Variants in AXIN2 observed in about 807,000 individuals in gnomAD.
The protein encoded by AXIN2 is axin 2, also known as axin-2.
Under a neutral mutation model 74.7 loss-of-function variants are expected in AXIN2, and 21 were observed. That is an observed-to-expected ratio of 0.28 (90% CI 0.20 to 0.40). The LOEUF is 0.40. AXIN2 is among the 10% of genes least tolerant of loss of function. AXIN2 has a pLI of 1.00. For missense variants in AXIN2, 1,144 were observed against 1,111.1 expected (o/e 1.03, Z -0.42); for synonymous variants, 532 against 454.9 (o/e 1.17, Z -2.16).
intron 2 of AXIN2, among the ~76,000 whole-genome samples, chr17:65,551,365 T>A (rs1276232247): frequency 1.3e-5 from 2 of 151,986 alleles, no homozygotes; most frequent in Non-Finnish European, 2.9e-5. Context: ...GGGGTCTAAT[T>A]AGCCAGGCTA....
chr17:65,548,137 A>C (rs946502872), intron 3 of AXIN2, among the ~76,000 whole-genome samples: 2 of 152,252 alleles, frequency 1.3e-5, no homozygotes, highest in Non-Finnish European at 2.9e-5. Flanking sequence ...TGGATGAAAG[A>C]TGTGTACTTT....
rs543027028 is a variant in AXIN2 at position 65,548,320 on chromosome 17, T to C, written c.956+1200A>G. Among the ~76,000 whole-genome samples the C allele has an allele frequency of 2.0e-5, 3 of 152,328 alleles. No individual in the cohort carries two copies. In the East Asian group the frequency reaches 5.8e-4, roughly 29 times the overall value. On this transcript the variant is annotated intron_variant, in intron 3 of 10. Transcript: ENST00000307078. ...AGGTTCCCAAACTCACCTCATCAAC[T>C]TTCCCTCCAACTGGTCCCATGCCAC... is the stretch of plus-strand genomic sequence containing the variant.
chr17:65,532,267 T>C (rs1336793311), intron 10 of AXIN2, among the ~76,000 whole-genome samples: 1 of 151,490 alleles, frequency 6.6e-6, no homozygotes, highest in African/African-American at 2.4e-5. Flanking sequence ...AAGGAGGCAC[T>C]TTCCCCACAA....
At chr17:65,533,845 C>A (rs1028043727) in intron 10 of AXIN2, 67 bp downstream of exon 10, 3 of 1,208,174 alleles carry the variant, frequency 2.5e-6, no homozygotes. Flanking sequence ...AGGGGAGCTG[C>A]TCCAGGCTCT....
At position 65,558,746 on chromosome 17, in the gene AXIN2, AAAGG is replaced by A; in HGVS notation, c.-116-14_-116-11del. The A allele has an allele frequency of 1.0e-6, 1 of 979,828 alleles. No homozygotes were observed. Among genetic ancestry groups the A allele is most frequent in the Non-Finnish European group, 1.6e-6 (1 of 641,698 alleles). The allele number at this position is 979,828 out of a possible 1,614,324, so 60.7% of individuals were successfully genotyped here. ...CATCTGAACCTCCTCTCTGGAAAGA[AAAGG>A]AAGGGGGGAGGTGGGGAGAGAGAAA... On this transcript the variant is annotated splice_polypyrimidine_tract_variant and intron_variant, in intron 1 of 10. Coordinates refer to ENST00000307078, the MANE Select transcript of AXIN2 (RefSeq NM_004655.4).
intron 2 of AXIN2, among the ~76,000 whole-genome samples, chr17:65,554,935 G>A (rs191451193): frequency 5.5e-4 from 83 of 152,226 alleles, no homozygotes; most frequent in African/African-American, 1.7e-3. Context: ...TCTGTGTGCC[G>A]GGGATTTTAC....
At chr17:65,555,151 C>G (rs1237592176) in intron 2 of AXIN2, among the ~76,000 whole-genome samples, 1 of 152,170 alleles carries the variant, frequency 6.6e-6, no homozygotes, top group East Asian at 1.9e-4. Context: ...TTTGAGTGCC[C>G]GAGGTAAACA....
At chr17:65,550,151 G>A (rs1465361302) in intron 2 of AXIN2, among the ~76,000 whole-genome samples, 3 of 152,220 alleles carry the variant, frequency 2.0e-5, no homozygotes, top group Non-Finnish European at 4.4e-5. Context: ...GTCCAGAGAT[G>A]CAAACAGCTA....
At chr17:65,552,829 G>A (rs1265097678) in intron 2 of AXIN2, among the ~76,000 whole-genome samples, 1 of 152,124 alleles carries the variant, frequency 6.6e-6, no homozygotes, top group Non-Finnish European at 1.5e-5. Context: ...GGGAGTTCAA[G>A]ACCAGCCTGA....
At chr17:65,532,801 G>C (rs2043845417) in intron 10 of AXIN2, among the ~76,000 whole-genome samples, 1 of 152,248 alleles carries the variant, frequency 6.6e-6, no homozygotes, top group Non-Finnish European at 1.5e-5. Flanking sequence ...TCACACCTGG[G>C]AATAGACTGT....
intron 9 of AXIN2, among the ~76,000 whole-genome samples, chr17:65,535,398 T>A (rs2043891966): frequency 6.6e-6 from 1 of 152,232 alleles, no homozygotes; most frequent in South Asian, 2.1e-4. Flanking sequence ...AATGGCTTCA[T>A]GTCCCAGCTT....
At chr17:65,541,848 G>C (rs1009664790) in intron 3 of AXIN2, among the ~76,000 whole-genome samples, 5 of 152,200 alleles carry the variant, frequency 3.3e-5, no homozygotes, top group Non-Finnish European at 7.3e-5. Context: ...TCTTAGAACT[G>C]GGTTACACTC....
In AXIN2 at chr17:65,536,368, T is replaced by A. The variant is rs1214718312; in HGVS notation, c.2093A>T (p.Glu698Val). 1 of 1,613,474 alleles carries A rather than the reference T, an allele frequency of 6.2e-7. No individual in the cohort carries two copies. The highest frequency in any genetic ancestry group is 8.5e-7 in the Non-Finnish European group (1 of 1,179,992). The change falls in exon 8 of 11, where the codon GAG (glutamate) becomes GTG (valine). Residue 698 changes from glutamate (E) to valine (V), a missense_variant. Glu to Val is a moderately radical substitution (Grantham distance 121). Coordinates refer to ENST00000307078, the MANE Select transcript of AXIN2 (RefSeq NM_004655.4). ...LTPPNTLAQL[E>V]EACRRLAEVS... ...CTCAGCTAGCCTGCGACAGGCCTCCTCCAGCTGAGCCAGCGTGTTGGGTGG... is the reference window on the plus strand; with the variant it reads ...CTCAGCTAGCCTGCGACAGGCCTCCACCAGCTGAGCCAGCGTGTTGGGTGG...
intron 3 of AXIN2, among the ~76,000 whole-genome samples, chr17:65,546,550 T>G (rs1320455481): frequency 6.6e-6 from 1 of 152,168 alleles, no homozygotes; most frequent in Non-Finnish European, 1.5e-5. Flanking sequence ...CCAACAAGTC[T>G]GGAGACCCTT....
At position 65,553,852 on chromosome 17, in the gene AXIN2, G is replaced by T. The variant is rs576315579; in HGVS notation, c.815+3954C>A. ...TGATTACTTAAAAAAAAAGGCGGGG[G>T]GGGGGGGAGGAAACTCAAACCACGC... is the stretch of plus-strand genomic sequence containing the variant. On this transcript the variant is annotated intron_variant, in intron 2 of 10. Transcript: ENST00000307078. Among the ~76,000 whole-genome samples the T allele has an allele frequency of 4.7e-5, 7 of 149,552 alleles. 1 individual carries two copies. The highest frequency in any genetic ancestry group is 7.3e-5 in the African/African-American group (3 of 40,860).
chr17:65,540,634 T>C (rs922594536), intron 4 of AXIN2, among the ~76,000 whole-genome samples: 6 of 152,162 alleles, frequency 3.9e-5, no homozygotes, highest in African/African-American at 1.4e-4. Flanking sequence ...GGGAGGTGTT[T>C]CGTGCCCTCC....
rs758375180 is a variant in AXIN2, at chr17:65,529,823, C to A, written c.*153G>T. The A allele has an allele frequency of 3.4e-5, 43 of 1,264,390 alleles. No homozygotes were observed. The highest frequency in any genetic ancestry group is 1.0e-5 in the Non-Finnish European group (9 of 892,428). 78.3% of individuals were successfully genotyped at this position (1,264,390 alleles called of 1,614,324 possible). A position where few individuals can be genotyped will look rare whatever the true frequency, so the allele number is the denominator to read the frequency against. ...ATCATGAAAATCAACCTCCCCCCGC[C>A]CTCCCGAAGGCCCACTGGCCGATTC... On this transcript the variant is annotated 3_prime_UTR_variant, in exon 11 of 11. Coordinates refer to ENST00000307078, the MANE Select transcript of AXIN2 (RefSeq NM_004655.4).
At chr17:65,536,240 G>A (rs2043911885) in intron 8 of AXIN2, 80 bp downstream of exon 8, 8 of 1,401,164 alleles carry the variant, frequency 5.7e-6, no homozygotes, top group Non-Finnish European at 7.9e-6. Context: ...AGAAAGAGAG[G>A]CCCTCCCCAT....
chr17:65,556,025 G>A (rs1406757392), intron 2 of AXIN2, among the ~76,000 whole-genome samples: 17 of 152,078 alleles, frequency 1.1e-4, no homozygotes, highest in Non-Finnish European at 2.4e-4. Context: ...GGCAGCCCTG[G>A]AAAACAGGAG....
Sources: gnomAD v4.1 joint callset for allele counts (sites outside exome capture counted in the v4.1 genomes callset) on GRCh38, gnomAD v4.1.1 for gene constraint, MANE v1.5 for transcripts, NCBI Gene and HGNC (gene_info 2026-07-23, HGNC 2026-07-21) for gene names.